The following GALNTL6 variants were observed in gnomAD, a reference collection of about 807,000 sequenced individuals.
GALNTL6 encodes the protein polypeptide N-acetylgalactosaminyltransferase like 6, also known as polypeptide N-acetylgalactosaminyltransferase-like 6.
A neutral mutation model predicts 73.7 loss-of-function variants in GALNTL6; 46 were observed. The ratio of observed to expected loss-of-function variants is 0.62; its 90% CI spans 0.49 to 0.80. The LOEUF (loss-of-function observed/expected upper bound fraction) is 0.80. Among genes scored for constraint, GALNTL6 ranks in the 30% least tolerant of loss-of-function variants. The pLI is 0.00. For missense variants in GALNTL6, 604 were observed against 755.0 expected, an observed-to-expected ratio of 0.80 and a Z score of 2.34; for synonymous variants, 259 against 263.7, an observed-to-expected ratio of 0.98 and a Z score of 0.17.
chr4:172,657,418 T>C (rs1731090633), intron 5 of GALNTL6, among the ~76,000 whole-genome samples: 1 of 152,324 alleles, frequency 6.6e-6, no homozygotes, highest in Non-Finnish European at 1.5e-5. Context: ...TGAAGTAAAA[T>C]AAGCCCATAG....
chr4:172,037,799 A>G (rs1281552275), intron 2 of GALNTL6, among the ~76,000 whole-genome samples: 1 of 152,178 alleles, frequency 6.6e-6, no homozygotes, highest in Non-Finnish European at 1.5e-5. Context: ...TTCTGAAAGT[A>G]ACCACCAATA....
chr4:172,234,455 A>G (rs1737173194), intron 3 of GALNTL6, among the ~76,000 whole-genome samples: 1 of 152,250 alleles, frequency 6.6e-6, no homozygotes, highest in East Asian at 1.9e-4. Context: ...TACACTATGC[A>G]CTTTAACAAA....
chr4:171,955,962 T>C lies in GALNTL6; in HGVS notation c.138+141244T>C, dbSNP rs373596699. 5.3e-5 allele frequency among the ~76,000 whole-genome samples: 8 copies of C among 152,020 alleles called. No individual in the cohort carries two copies. In the South Asian group the frequency reaches 1.0e-3, roughly 20 times the overall value. On this transcript the variant is annotated intron_variant, in intron 2 of 12. Coordinates refer to ENST00000506823, the MANE Select transcript of GALNTL6 (RefSeq NM_001034845.3). The stretch of plus-strand genomic sequence containing the variant: ...ATAGTTTTTGGTATAAAACAGTATT[T>C]ATGTTCTTTTTAATAAATATTTGTT...
chr4:171,891,289 C>T (rs548581133), intron 2 of GALNTL6, among the ~76,000 whole-genome samples: 2 of 152,120 alleles, frequency 1.3e-5, no homozygotes, highest in African/African-American at 2.4e-5. Flanking sequence ...TCTAGGGTAA[C>T]CAAGGCAGCC....
intron 2 of GALNTL6, among the ~76,000 whole-genome samples, chr4:171,857,819 G>A (rs886573930): frequency 6.6e-6 from 1 of 152,154 alleles, no homozygotes; most frequent in African/African-American, 2.4e-5. Flanking sequence ...TGAAGCAAGA[G>A]AAATGCCCTA....
intron 10 of GALNTL6, among the ~76,000 whole-genome samples, chr4:172,980,253 C>T (rs1237516859): frequency 6.6e-6 from 1 of 152,200 alleles, no homozygotes; most frequent in Non-Finnish European, 1.5e-5. Flanking sequence ...CAAATAGGCA[C>T]TGTATGATAC....
At chr4:172,137,079 C>T (rs1444265994) in intron 2 of GALNTL6, among the ~76,000 whole-genome samples, 2 of 151,994 alleles carry the variant, frequency 1.3e-5, no homozygotes, top group East Asian at 3.9e-4. Context: ...ATTTAGATTT[C>T]TCATTCATAG....
intron 5 of GALNTL6, among the ~76,000 whole-genome samples, chr4:172,682,513 A>G (rs902683249): frequency 3.3e-5 from 5 of 152,338 alleles, no homozygotes; most frequent in Admixed American, 3.3e-4. Context: ...AGGTTTTTAG[A>G]TAAAATGACA....
At chr4:172,908,855 T>A (rs1212612620) in intron 8 of GALNTL6, among the ~76,000 whole-genome samples, 3 of 151,936 alleles carry the variant, frequency 2.0e-5, no homozygotes, top group Non-Finnish European at 4.4e-5. Flanking sequence ...TCCCTATGTA[T>A]ACTCATAAAT....
At chr4:172,874,863 T>C (rs1745112538) in intron 7 of GALNTL6, among the ~76,000 whole-genome samples, 1 of 152,194 alleles carries the variant, frequency 6.6e-6, no homozygotes, top group African/African-American at 2.4e-5. Context: ...ACATTCGCAG[T>C]GTGGCTTTAG....
At chr4:172,715,201 C>T (rs1323592222) in intron 5 of GALNTL6, among the ~76,000 whole-genome samples, 1 of 152,116 alleles carries the variant, frequency 6.6e-6, no homozygotes, top group Non-Finnish European at 1.5e-5. Context: ...CGGAAAAACT[C>T]TTATGGACAT....
At chr4:172,365,994 G>A (rs779161719) in intron 5 of GALNTL6, among the ~76,000 whole-genome samples, 3 of 152,072 alleles carry the variant, frequency 2.0e-5, no homozygotes, top group Non-Finnish European at 2.9e-5. Flanking sequence ...GAAACCTGAT[G>A]GTAGAAGATA....
At chr4:171,833,118 TA>T (rs1486084789) in intron 2 of GALNTL6, among the ~76,000 whole-genome samples, 13 of 151,746 alleles carry the variant, frequency 8.6e-5, no homozygotes, top group Admixed American at 8.6e-4. Flanking sequence ...TAAAAGTATG[TA>T]AATGGACAAA....
chr4:172,625,299 A>G (rs935944885), intron 5 of GALNTL6, among the ~76,000 whole-genome samples: 1 of 151,920 alleles, frequency 6.6e-6, no homozygotes. Flanking sequence ...GAGAAAATGC[A>G]ATATTTCCTG....
chr4:172,322,739 CATA>C (rs956273975), intron 4 of GALNTL6, among the ~76,000 whole-genome samples: 8 of 152,052 alleles, frequency 5.3e-5, no homozygotes, highest in Non-Finnish European at 1.2e-4. Context: ...AAACCACCCC[CATA>C]ATCCAGTCAC....
intron 5 of GALNTL6, among the ~76,000 whole-genome samples, chr4:172,797,003 A>G (rs1383047722): frequency 6.6e-6 from 1 of 152,182 alleles, no homozygotes; most frequent in South Asian, 2.1e-4. Flanking sequence ...TTATTAAATC[A>G]CTAACACACA....
At chr4:172,207,464 C>A (rs949538288) in intron 2 of GALNTL6, among the ~76,000 whole-genome samples, 2 of 152,078 alleles carry the variant, frequency 1.3e-5, no homozygotes, top group African/African-American at 4.8e-5. Flanking sequence ...GAAGAGGAAG[C>A]ATCAAAAGTT....
intron 3 of GALNTL6, among the ~76,000 whole-genome samples, chr4:172,255,196 C>T (rs1028671484): frequency 6.6e-6 from 1 of 151,594 alleles, no homozygotes; most frequent in African/African-American, 2.4e-5. Flanking sequence ...GACAAAAATG[C>T]TTAGAATACT....
chr4:172,776,069 A>G lies in GALNTL6; in HGVS notation c.554-33292A>G, dbSNP rs550329298. On this transcript the variant is annotated intron_variant, in intron 5 of 12. Transcript: ENST00000506823. Reference sequence around the variant, plus strand: ...TTGATTGCAGTCACGTGAGACTCTAATCATAGGATCCAGTCAAGCTGTGCT... The same window carrying G: ...TTGATTGCAGTCACGTGAGACTCTAGTCATAGGATCCAGTCAAGCTGTGCT... Among the ~76,000 whole-genome samples, 41 of 152,298 alleles carry G rather than the reference A, an allele frequency of 2.7e-4. 1 individual carries two copies. In the South Asian group the frequency reaches 8.3e-3, roughly 31 times the overall value.
Sources: gnomAD v4.1 joint callset for allele counts (sites outside exome capture counted in the v4.1 genomes callset) on GRCh38, gnomAD v4.1.1 for gene constraint, MANE v1.5 for transcripts, NCBI Gene and HGNC (gene_info 2026-07-23, HGNC 2026-07-21) for gene names.